ARHGAP26: variants seen among roughly 807,000 people sequenced by gnomAD.
The protein encoded by ARHGAP26 is rho GTPase-activating protein 26.
Under a neutral mutation model 104.8 loss-of-function variants are expected in ARHGAP26, and 38 were observed. That is an observed-to-expected ratio of 0.36 (90% CI 0.28 to 0.48). The LOEUF (loss-of-function observed/expected upper bound fraction) is 0.48. Ranked by LOEUF, ARHGAP26 falls within the 20% of genes least tolerant of loss-of-function variation. The probability of loss-of-function intolerance (pLI) is 0.99; values close to 1 mark genes in which losing one functional copy is unlikely to be tolerated. For synonymous variants in ARHGAP26, 341 were observed against 340.0 expected, an observed-to-expected ratio of 1.00 and a Z score of -0.03; for missense variants, 704 against 947.9, an observed-to-expected ratio of 0.74 and a Z score of 3.38.
intron 20 of ARHGAP26, chr5:143,166,164 C>T (rs1043829779): frequency 2.6e-6 from 3 of 1,160,920 alleles, no homozygotes; most frequent in Admixed American, 6.7e-5. Flanking sequence ...ACGCCCTTCC[C>T]CTAACTCATC....
chr5:142,859,037 G>A (rs78122023), intron 1 of ARHGAP26, among the ~76,000 whole-genome samples: 53 of 152,302 alleles, frequency 3.5e-4, no homozygotes, highest in African/African-American at 1.2e-3. Flanking sequence ...GTGTGCAGAC[G>A]AGGTAGATTT....
At chr5:143,207,736 G>A (rs1298813055) in intron 21 of ARHGAP26, among the ~76,000 whole-genome samples, 1 of 152,214 alleles carries the variant, frequency 6.6e-6, no homozygotes, top group Admixed American at 6.5e-5. Context: ...AATTTCATGT[G>A]CTCTCTGCAC....
At chr5:142,911,004 C>A (rs1761753717) in intron 9 of ARHGAP26, among the ~76,000 whole-genome samples, 1 of 152,218 alleles carries the variant, frequency 6.6e-6, no homozygotes, top group South Asian at 2.1e-4. Flanking sequence ...TAGGTTCCCT[C>A]ACTGTCCTTT....
At chr5:143,185,178 CAG>C (rs1465697285) in intron 20 of ARHGAP26, among the ~76,000 whole-genome samples, 5 of 152,042 alleles carry the variant, frequency 3.3e-5, no homozygotes, top group Non-Finnish European at 5.9e-5. Context: ...TTGAAGAAAA[CAG>C]AGTGAAAAAG....
In ARHGAP26 at chr5:142,855,329, T is replaced by C. The variant is rs1410216969; in HGVS notation, c.155-18071T>C. Among the ~76,000 whole-genome samples the C allele has an allele frequency of 5.9e-5, 9 of 152,198 alleles. No homozygotes were observed. The East Asian group carries it at 1.7e-3, about 29-fold the overall frequency. On this transcript the variant is annotated intron_variant, in intron 1 of 22. Transcript: ENST00000645722. ...GAATACCAGATGCATTTAGGGTTAT[T>C]GTTTTTTTCAGATACTAGGAGGCTG...
chr5:142,942,881 A>C (rs1210582242), intron 11 of ARHGAP26, among the ~76,000 whole-genome samples: 1 of 152,162 alleles, frequency 6.6e-6, no homozygotes, highest in Admixed American at 6.5e-5. Context: ...CCCAGGTTCA[A>C]GCAATTTTCC....
intron 1 of ARHGAP26, 35 bp downstream of exon 1, chr5:142,770,950 G>A (rs759757591): frequency 1.3e-6 from 2 of 1,575,276 alleles, no homozygotes; most frequent in Non-Finnish European, 1.7e-6. Flanking sequence ...ACGCGGCTCC[G>A]GGGCGGGAGG....
chr5:142,800,946 A>G (rs369545351), intron 1 of ARHGAP26, among the ~76,000 whole-genome samples: 8 of 152,138 alleles, frequency 5.3e-5, no homozygotes, highest in African/African-American at 1.9e-4. Context: ...TCCACATTGT[A>G]TGACTCCTGT....
intron 20 of ARHGAP26, among the ~76,000 whole-genome samples, chr5:143,157,547 C>G (rs571843940): frequency 6.6e-6 from 1 of 152,164 alleles, no homozygotes. Context: ...GCATCTCTTA[C>G]GCTACATTTC....
chr5:142,796,773 T>C lies in ARHGAP26; in HGVS notation c.154+25858T>C, dbSNP rs138978030. The stretch of plus-strand genomic sequence containing the variant: ...ATCTGTTTTGATTTTTTCTAATGGA[T>C]AATGGGTTTCCCAGCATCAGTCCAC... On this transcript the variant is annotated intron_variant, in intron 1 of 22. Transcript: ENST00000645722. Among the ~76,000 whole-genome samples the C allele has an allele frequency of 4.2e-3, 645 of 152,328 alleles. 12 individuals carry two copies. The highest frequency in any genetic ancestry group is 0.015 in the African/African-American group (616 of 41,574).
rs758768011 is a variant in ARHGAP26 at position 142,885,285 on chromosome 5, C to CT, written c.385-6dup. On this transcript the variant is annotated splice_polypyrimidine_tract_variant and intron_variant, in intron 4 of 22. Transcript: ENST00000645722. ...GTTACTCTTTTTCTTTTTCTCTTCTCTTTTTTTGCCAGGAAGCCAAAAAGA... is the reference window on the plus strand; with the variant it reads ...GTTACTCTTTTTCTTTTTCTCTTCTCTTTTTTTTGCCAGGAAGCCAAAAAGA... The CT allele has an allele frequency of 1.4e-5, 22 of 1,609,696 alleles. No homozygotes were observed. The highest frequency in any genetic ancestry group is 1.6e-4 in the Middle Eastern group (1 of 6,062).
At chr5:142,968,031 A>G (rs545167795) in intron 11 of ARHGAP26, among the ~76,000 whole-genome samples, 1 of 152,308 alleles carries the variant, frequency 6.6e-6, no homozygotes, top group South Asian at 2.1e-4. Flanking sequence ...CATAGGTAAC[A>G]GATCCGGAGC....
Position 142,783,963 on chromosome 5 carries a change from T to C in ARHGAP26, c.154+13048T>C, listed in dbSNP as rs115279937. ...GCCACACCACCCCTGCTGTGGACAA[T>C]ATGTCATTGTGGAGGCCAGGGCAGG... is the stretch of plus-strand genomic sequence containing the variant. On this transcript the variant is annotated intron_variant, in intron 1 of 22. Coordinates refer to ENST00000645722, the MANE Select transcript of ARHGAP26 (RefSeq NM_001135608.3). 4.7e-3 allele frequency among the ~76,000 whole-genome samples: 716 copies of C among 152,296 alleles called. 7 individuals carry two copies. Among genetic ancestry groups the C allele is most frequent in the African/African-American group, 0.017 (689 of 41,570 alleles).
intron 10 of ARHGAP26, among the ~76,000 whole-genome samples, chr5:142,914,264 G>A (rs1351730743): frequency 1.3e-5 from 2 of 152,200 alleles, no homozygotes; most frequent in Non-Finnish European, 2.9e-5. Context: ...AGGCTGTTAG[G>A]CCTCCCATGG....
chr5:142,774,995 T>A (rs1177246289), intron 1 of ARHGAP26, among the ~76,000 whole-genome samples: 1 of 152,212 alleles, frequency 6.6e-6, no homozygotes, highest in Non-Finnish European at 1.5e-5. Context: ...AAGGACATTT[T>A]GGTCGTTTCC....
At chr5:142,789,989 ACAAAT>A (rs1333618733) in intron 1 of ARHGAP26, among the ~76,000 whole-genome samples, 2 of 152,236 alleles carry the variant, frequency 1.3e-5, no homozygotes, top group African/African-American at 4.8e-5. Context: ...TTTTTTGAAT[ACAAAT>A]CAAGATAAGG....
intron 19 of ARHGAP26, among the ~76,000 whole-genome samples, chr5:143,140,570 AG>A (rs1798394227): frequency 6.6e-6 from 1 of 152,228 alleles, no homozygotes; most frequent in African/African-American, 2.4e-5. Context: ...ATCACGCTGT[AG>A]TTGTATCTTA....
chr5:143,079,457 A>G (rs1037026776), intron 17 of ARHGAP26, among the ~76,000 whole-genome samples: 1 of 152,184 alleles, frequency 6.6e-6, no homozygotes, highest in South Asian at 2.1e-4. Context: ...GAGATCACCC[A>G]GGAAGCTCCC....
At chr5:142,976,296 A>G (rs1773079529) in intron 11 of ARHGAP26, among the ~76,000 whole-genome samples, 1 of 152,200 alleles carries the variant, frequency 6.6e-6, no homozygotes, top group Admixed American at 6.5e-5. Context: ...GCACCTCTCT[A>G]AAGGAAATTA....
Sources: gnomAD v4.1 joint callset for allele counts (sites outside exome capture counted in the v4.1 genomes callset) on GRCh38, gnomAD v4.1.1 for gene constraint, MANE v1.5 for transcripts, NCBI Gene and HGNC (gene_info 2026-07-23, HGNC 2026-07-21) for gene names.